The following CACNB4 variants were observed in gnomAD, a reference collection of about 807,000 sequenced individuals.
CACNB4 encodes the protein voltage-dependent L-type calcium channel subunit beta-4.
Under a neutral mutation model 71.2 loss-of-function variants are expected in CACNB4, and 32 were observed. The observed-to-expected ratio is 0.45, with a 90% CI of 0.34 to 0.60. CACNB4 has a LOEUF of 0.60. CACNB4 is among the 20% of genes least tolerant of loss of function. The probability of loss-of-function intolerance (pLI) is 0.01; values close to 1 mark genes in which losing one functional copy is unlikely to be tolerated. For missense variants in CACNB4, 464 were observed against 647.9 expected (o/e 0.72, Z 3.08); for synonymous variants, 231 against 236.9 (o/e 0.97, Z 0.23).
At chr2:152,022,381 C>T (rs1366358452) in intron 2 of CACNB4, among the ~76,000 whole-genome samples, 1 of 152,156 alleles carries the variant, frequency 6.6e-6, no homozygotes, top group Non-Finnish European at 1.5e-5. Context: ...CAATCCATGT[C>T]TCCAATGATA....
intron 9 of CACNB4, among the ~76,000 whole-genome samples, chr2:151,863,404 T>C (rs565583377): frequency 2.6e-5 from 4 of 152,150 alleles, no homozygotes; most frequent in Non-Finnish European, 4.4e-5. Flanking sequence ...TTCTGGTTTA[T>C]TTAAGAATGG....
intron 2 of CACNB4, among the ~76,000 whole-genome samples, chr2:152,073,382 G>C (rs1033109647): frequency 5.9e-5 from 9 of 152,098 alleles, no homozygotes; most frequent in African/African-American, 1.9e-4. Context: ...AATATACCTA[G>C]AAGCATCCTC....
intron 2 of CACNB4, among the ~76,000 whole-genome samples, chr2:152,082,854 G>A (rs1351398512): frequency 6.6e-6 from 1 of 152,222 alleles, no homozygotes; most frequent in Non-Finnish European, 1.5e-5. Context: ...TGGTGGTGAT[G>A]TTGGTAGGCA....
At chr2:151,999,882 G>A (rs1412300811) in intron 2 of CACNB4, among the ~76,000 whole-genome samples, 3 of 152,124 alleles carry the variant, frequency 2.0e-5, no homozygotes, top group Non-Finnish European at 4.4e-5. Flanking sequence ...ATTTCTTCCT[G>A]TGTACCCTCA....
intron 2 of CACNB4, among the ~76,000 whole-genome samples, chr2:152,022,849 T>C (rs1683746404): frequency 6.6e-6 from 1 of 152,186 alleles, no homozygotes; most frequent in Non-Finnish European, 1.5e-5. Flanking sequence ...CTGTAATCAT[T>C]AAAACCCAGA....
At chr2:152,054,107 C>T (rs1188209626) in intron 2 of CACNB4, among the ~76,000 whole-genome samples, 1 of 152,144 alleles carries the variant, frequency 6.6e-6, no homozygotes, top group East Asian at 1.9e-4. Flanking sequence ...GTGGCTCACG[C>T]CTGTAATCCC....
chr2:152,071,947 C>A (rs777188529), intron 2 of CACNB4, among the ~76,000 whole-genome samples: 36 of 152,328 alleles, frequency 2.4e-4, no homozygotes, highest in Non-Finnish European at 4.4e-4. Context: ...TAATTTCATT[C>A]ATTCATCCAT....
chr2:152,091,663 G>C (rs1687980907), intron 2 of CACNB4, among the ~76,000 whole-genome samples: 3 of 152,010 alleles, frequency 2.0e-5, no homozygotes, highest in Non-Finnish European at 4.4e-5. Flanking sequence ...AACGTAACTG[G>C]TTGTGCCCCT....
chr2:151,878,558 C>CACACACACACACAA (rs1417532846), intron 4 of CACNB4, among the ~76,000 whole-genome samples: 1 of 150,696 alleles, frequency 6.6e-6, no homozygotes, highest in African/African-American at 2.4e-5. Flanking sequence ...TCTACACACA[C>CACACACACACACAA]ACACACACAC....
At chr2:151,841,106 A>G (rs2099836102) in intron 13 of CACNB4, among the ~76,000 whole-genome samples, 1 of 152,216 alleles carries the variant, frequency 6.6e-6, no homozygotes, top group South Asian at 2.1e-4. Flanking sequence ...CTCAGGGATC[A>G]GTTACTGTTT....
chr2:152,044,695 A>G (rs1344069946), intron 2 of CACNB4, among the ~76,000 whole-genome samples: 1 of 152,130 alleles, frequency 6.6e-6, no homozygotes, highest in Non-Finnish European at 1.5e-5. Flanking sequence ...TTTCCATCCC[A>G]CACCCTTTGT....
chr2:151,899,185 CAA>C (rs2099852796), intron 2 of CACNB4, among the ~76,000 whole-genome samples: 1 of 152,180 alleles, frequency 6.6e-6, no homozygotes, highest in African/African-American at 2.4e-5. Flanking sequence ...CTAGTGGGAA[CAA>C]GAGAGACGAG....
chr2:152,008,204 G>A (rs1320571332), intron 2 of CACNB4, among the ~76,000 whole-genome samples: 1 of 150,950 alleles, frequency 6.6e-6, no homozygotes, highest in East Asian at 1.9e-4. Context: ...TTTTTTTTAA[G>A]CCATCACAGT....
At chr2:151,986,914 G>T (rs1047571305) in intron 2 of CACNB4, among the ~76,000 whole-genome samples, 1 of 152,116 alleles carries the variant, frequency 6.6e-6, no homozygotes, top group Non-Finnish European at 1.5e-5. Flanking sequence ...TTGCTTCAGA[G>T]ATTGTTTTTT....
chr2:151,949,054 G>T (rs1001392192), intron 2 of CACNB4, among the ~76,000 whole-genome samples: 1 of 151,572 alleles, frequency 6.6e-6, no homozygotes, highest in African/African-American at 2.4e-5. Flanking sequence ...TGCCTGACCT[G>T]CTTTCTTCTT....
intron 2 of CACNB4, among the ~76,000 whole-genome samples, chr2:152,058,881 C>A (rs947014738): frequency 1.3e-5 from 2 of 152,242 alleles, no homozygotes; most frequent in Non-Finnish European, 2.9e-5. Flanking sequence ...CAGGATCCCC[C>A]CTGCTGTATG....
intron 2 of CACNB4, among the ~76,000 whole-genome samples, chr2:152,005,563 A>G (rs975571837): frequency 1.3e-5 from 2 of 152,192 alleles, no homozygotes; most frequent in Non-Finnish European, 2.9e-5. Flanking sequence ...ATTGGGTACT[A>G]TGTTCATGAT....
intron 5 of CACNB4, 84 bp from the exon 6 acceptor site, chr2:151,872,577 T>C (rs1314674679): frequency 5.4e-6 from 4 of 746,072 alleles, no homozygotes; most frequent in Non-Finnish European, 9.3e-6. Flanking sequence ...TCTTTGGCCC[T>C]CATCCTATTA....
chr2:151,924,656 A>C (rs2099859803), intron 2 of CACNB4, among the ~76,000 whole-genome samples: 1 of 152,136 alleles, frequency 6.6e-6, no homozygotes, highest in Non-Finnish European at 1.5e-5. Context: ...CCTAAGAAGC[A>C]TTCTCAATCC....
Sources: allele counts gnomAD v4.1 joint callset (sites outside exome capture counted in the v4.1 genomes callset), GRCh38; gene constraint gnomAD v4.1.1; transcripts MANE v1.5; gene names NCBI Gene and HGNC (gene_info 2026-07-23, HGNC 2026-07-21).